The following DGKA variants were observed in gnomAD, a reference collection of about 807,000 sequenced individuals.
The protein encoded by DGKA is 80 kDa diacylglycerol kinase.
In DGKA, 35 loss-of-function variants were observed where a neutral mutation model predicts 105.0. The ratio of observed to expected loss-of-function variants is 0.33; its 90% CI spans 0.25 to 0.44. The LOEUF (loss-of-function observed/expected upper bound fraction) is 0.44, where lower values mean the gene tolerates loss of function less well. DGKA is among the 20% of genes least tolerant of loss of function. DGKA has a pLI of 1.00. For missense variants in DGKA, 665 were observed against 915.0 expected (o/e 0.73, Z 3.53); for synonymous variants, 296 against 332.0 (o/e 0.89, Z 1.18).
chr12:55,927,882 C>T (rs1351665393), upstream of DGKA: 1 of 1,332,926 alleles, frequency 7.5e-7, no homozygotes, highest in Non-Finnish European at 1.0e-6. Flanking sequence ...GCCCAGACCT[C>T]CTAACCCTGA....
chr12:55,953,619 A>C, intron 23 of DGKA, 66 bp from the exon 24 acceptor site: 1 of 1,540,840 alleles, frequency 6.5e-7, no homozygotes, highest in African/African-American at 1.4e-5. Flanking sequence ...ATTTCCCTCT[A>C]AATCTCTGAA....
intron 17 of DGKA, among the ~76,000 whole-genome samples, chr12:55,951,357 T>C (rs1039523064): frequency 1.3e-5 from 2 of 152,180 alleles, no homozygotes; most frequent in Admixed American, 1.3e-4. Context: ...TTTTCAGCAT[T>C]CTCCTGGCTA....
At position 55,951,754 on chromosome 12, in the gene DGKA, A is replaced by C; in HGVS notation, c.1558A>C (p.Ile520Leu). The C allele has an allele frequency of 6.2e-7, 1 of 1,613,920 alleles. No homozygotes were observed. The stretch of plus-strand genomic sequence containing the variant: ...AAAAAGTGACCCAGTCCCCTTTCAA[A>C]TCATCAATAACTACTTCTCTATTGG... ...EEKSDPVPFQIINNYFSIGVD... is the reference protein window; with the variant it reads ...EEKSDPVPFQLINNYFSIGVD... The change falls in exon 18 of 24, where the codon ATC (isoleucine) becomes CTC (leucine). Residue 520 changes from isoleucine to leucine, a missense_variant. Ile to Leu is a conservative substitution (Grantham distance 5). Around this residue, in one of 3 missense-constraint regions of DGKA, gnomAD observed 504 missense variants for 681.2 expected, o/e 0.74. Coordinates refer to ENST00000331886, the MANE Select transcript of DGKA (RefSeq NM_001345.5).
chr12:55,941,462 C>A (rs766913177), intron 14 of DGKA, 48 bp from the exon 15 acceptor site: 4 of 1,603,140 alleles, frequency 2.5e-6, no homozygotes, highest in Non-Finnish European at 3.4e-6. Flanking sequence ...CAGAAGATCA[C>A]CCCCAACCCC....
chr12:55,931,117 G>A (rs1387439952), upstream of DGKA: 1 of 152,208 alleles, frequency 6.6e-6, no homozygotes, highest in Non-Finnish European at 1.5e-5. Flanking sequence ...GAGGGAGTTA[G>A]ACAGGGGTTG....
At position 55,932,657 on chromosome 12, in the gene DGKA, C is replaced by T. The variant is rs902966339; in HGVS notation, c.-82+1313C>T. The T allele has an allele frequency of 2.6e-4, 183 of 694,702 alleles. 1 individual carries two copies. The highest frequency in any genetic ancestry group is 6.9e-4 in the Middle Eastern group (3 of 4,324). The allele number at this position is 694,702 out of a possible 1,614,324, so 43.0% of individuals were successfully genotyped here. A position where few individuals can be genotyped will look rare whatever the true frequency, so the allele number is the denominator to read the frequency against. On this transcript the variant is annotated intron_variant, in intron 1 of 23. Transcript: ENST00000331886. This position sits in a 1 kb window ranked among gnomAD's most constrained non-coding sequence, Gnocchi z 4.3. ...CCACATCCCCCAACCATGCCAGTAT[C>T]GTAACTTCCTCCTATACTACGCAAT...
chr12:55,934,355 G>A (rs1001256703), intron 1 of DGKA, among the ~76,000 whole-genome samples: 5 of 152,146 alleles, frequency 3.3e-5, no homozygotes, highest in Non-Finnish European at 7.3e-5. Flanking sequence ...GTATTCATTA[G>A]GTCTGTTGGC....
At chr12:55,938,703 G>A (rs1356054966) in intron 6 of DGKA, 143 bp downstream of exon 6, 1 of 1,575,616 alleles carries the variant, frequency 6.3e-7, no homozygotes. Flanking sequence ...TTGAAAGTAA[G>A]TCCCAAGCTC....
intron 17 of DGKA, among the ~76,000 whole-genome samples, chr12:55,950,922 TC>T (rs1039249558): frequency 6.6e-6 from 1 of 152,170 alleles, no homozygotes; most frequent in Non-Finnish European, 1.5e-5. Context: ...TAGTTTTGTA[TC>T]CATTCAAAGA....
In DGKA at chr12:55,939,496, A is replaced by G. The variant is rs1325516191; in HGVS notation, c.676A>G (p.Ile226Val). 1 of 1,614,090 alleles carries G rather than the reference A, an allele frequency of 6.2e-7. No individual in the cohort carries two copies. The highest frequency in any genetic ancestry group is 8.5e-7 in the Non-Finnish European group (1 of 1,180,048). Residue 226 changes from isoleucine to valine, a missense_variant, in exon 9 of 24, where the codon ATT becomes GTT. Ile to Val is a conservative substitution (Grantham distance 29). Coordinates refer to ENST00000331886, the MANE Select transcript of DGKA (RefSeq NM_001345.5). ...CTACTGCAATCTGTGCGAGTCAAGC[A>G]TTGGTCTTGGCAAACAGGGACTGAG... The part of the protein sequence containing the change: ...PVYCNLCESS[I>V]GLGKQGLSCN...
chr12:55,940,861 A>G lies in DGKA; in HGVS notation c.1018-36A>G. 6.2e-7 allele frequency: 1 copy of G among 1,608,908 alleles called. No individual in the cohort carries two copies. The highest frequency in any genetic ancestry group is 1.1e-5 in the South Asian group (1 of 90,772). The stretch of plus-strand genomic sequence containing the variant: ...CTCTATTTAGGGATTCATGCACAAT[A>G]CAGCTTTTCTTCCCTCTACTTTCTT... On this transcript the variant is annotated intron_variant, in intron 12 of 23. Coordinates refer to ENST00000331886, the MANE Select transcript of DGKA (RefSeq NM_001345.5). The surrounding 1 kb of genome is among the most constrained non-coding windows in gnomAD (Gnocchi z 4.3).
chr12:55,935,775 A>T, intron 1 of DGKA: 1 of 654,506 alleles, frequency 1.5e-6, no homozygotes, highest in Non-Finnish European at 1.9e-6. Flanking sequence ...AGCTCCGCGG[A>T]ACGCAGTCCA....
Position 55,953,768 on chromosome 12 carries a change from AG to A in DGKA, c.*5del. On this transcript the variant is annotated 3_prime_UTR_variant, in exon 24 of 24. Coordinates refer to ENST00000331886, the MANE Select transcript of DGKA (RefSeq NM_001345.5). The stretch of plus-strand genomic sequence containing the variant: ...CCAATTTCTTTGGCTTCTTGAGCTA[AG>A]GGGGACACCCTTGGCCTCCAAGCCA... The A allele has an allele frequency of 6.2e-7, 1 of 1,614,068 alleles. No individual in the cohort carries two copies. The highest frequency in any genetic ancestry group is 8.5e-7 in the Non-Finnish European group (1 of 1,179,952).
intron 17 of DGKA, among the ~76,000 whole-genome samples, chr12:55,947,904 C>T (rs1176620412): frequency 1.3e-5 from 2 of 152,120 alleles, no homozygotes; most frequent in Admixed American, 6.5e-5. Flanking sequence ...ATTCTCGTGC[C>T]TCAGCCTCCC....
chr12:55,951,577 C>T (rs1888153054), intron 17 of DGKA, 46 bp from the exon 18 acceptor site: 2 of 1,586,516 alleles, frequency 1.3e-6, no homozygotes, highest in East Asian at 4.5e-5. Context: ...GAAGAGGCCT[C>T]TCTGGGACCC....
At chr12:55,941,448 G>A in intron 14 of DGKA, 62 bp from the exon 15 acceptor site, 1 of 1,587,812 alleles carries the variant, frequency 6.3e-7, no homozygotes, top group East Asian at 2.2e-5. Flanking sequence ...AAGAGGGTGA[G>A]GTTCAGAAGA....
At chr12:55,938,399 G>A (rs1171554716) in intron 5 of DGKA, 112 bp from the exon 6 acceptor site, 4 of 1,383,822 alleles carry the variant, frequency 2.9e-6, no homozygotes, top group African/African-American at 2.9e-5. Context: ...CCAGGCTCTA[G>A]GCTTCTCACC....
rs1310134600 is a variant in DGKA, at chr12:55,936,464, C to T, written c.-40C>T. 5 of 1,608,160 alleles carry T rather than the reference C, an allele frequency of 3.1e-6. No homozygotes were observed. The highest frequency in any genetic ancestry group is 1.1e-5 in the South Asian group (1 of 90,430). Reference sequence around the variant, plus strand: ...GGTCCAAGCAACGGAAGTACTACTACGAAGCTGCCTTTCTGGCCATCCTTG... The same window carrying T: ...GGTCCAAGCAACGGAAGTACTACTATGAAGCTGCCTTTCTGGCCATCCTTG... On this transcript the variant is annotated 5_prime_UTR_variant, in exon 2 of 24. It adds an upstream start codon to the 5' untranslated region. Coordinates refer to ENST00000331886, the MANE Select transcript of DGKA (RefSeq NM_001345.5).
chr12:55,927,593 T>C (rs896879266), upstream of DGKA: 2 of 1,211,614 alleles, frequency 1.7e-6, no homozygotes, highest in African/African-American at 1.5e-5. Flanking sequence ...CTAGGGACGG[T>C]TGGAGACCCT....
Sources: allele counts gnomAD v4.1 joint callset (sites outside exome capture counted in the v4.1 genomes callset), GRCh38; gene constraint gnomAD v4.1.1; regional missense constraint gnomAD v4.1.1; non-coding constraint Gnocchi (gnomAD v3.1); transcripts MANE v1.5; gene names NCBI Gene and HGNC (gene_info 2026-07-23, HGNC 2026-07-21).